DSCAM: variants seen among roughly 807,000 people sequenced by gnomAD.
The protein encoded by DSCAM is DS cell adhesion molecule, also known as cell adhesion molecule DSCAM.
Under a neutral mutation model 217.7 loss-of-function variants are expected in DSCAM, and 47 were observed. The observed-to-expected ratio is 0.22, with a 90% CI of 0.17 to 0.28. The LOEUF is 0.28. Ranked by LOEUF, DSCAM falls within the 10% of genes least tolerant of loss-of-function variation. The pLI is 1.00. For synonymous variants in DSCAM, 1,056 were observed against 1,015.3 expected, an observed-to-expected ratio of 1.04 and a Z score of -0.76; for missense variants, 2,080 against 2,618.3, an observed-to-expected ratio of 0.79 and a Z score of 4.49.
At chr21:40,792,099 C>A (rs2091650092) in intron 1 of DSCAM, among the ~76,000 whole-genome samples, 2 of 150,056 alleles carry the variant, frequency 1.3e-5, no homozygotes, top group Non-Finnish European at 3.0e-5. Context: ...ATGGCCATCC[C>A]TCTTTGTGTC....
intron 3 of DSCAM, among the ~76,000 whole-genome samples, chr21:40,417,111 G>C (rs2075379464): frequency 1.3e-5 from 2 of 152,078 alleles, no homozygotes; most frequent in South Asian, 2.1e-4. Flanking sequence ...CAACTGAATA[G>C]GAAATTTCCT....
rs568051871 is a variant in DSCAM at position 40,276,330 on chromosome 21, C to T, written c.2183-60G>A. 4.8e-5 allele frequency: 71 copies of T among 1,485,598 alleles called. No individual in the cohort carries two copies. The African/African-American group carries it at 7.4e-4, about 15-fold the overall frequency. The allele number at this position is 1,485,598 out of a possible 1,614,324, so 92.0% of individuals were successfully genotyped here. The stretch of plus-strand genomic sequence containing the variant: ...AACGAGAGTAAGTATGGGAAGACAA[C>T]GAGTTCAAGTACACACAGACTCATA... On this transcript the variant is annotated intron_variant, in intron 10 of 32. Transcript: ENST00000400454.
At chr21:40,439,842 G>A (rs1036814187) in intron 3 of DSCAM, among the ~76,000 whole-genome samples, 12 of 152,030 alleles carry the variant, frequency 7.9e-5, no homozygotes, top group Admixed American at 2.0e-4. Context: ...ACAAGATCAC[G>A]AGAACAGCAT....
intron 11 of DSCAM, among the ~76,000 whole-genome samples, chr21:40,275,518 A>G (rs985432406): frequency 6.6e-6 from 1 of 152,232 alleles, no homozygotes; most frequent in African/African-American, 2.4e-5. Flanking sequence ...GCCAGTTACC[A>G]ATGTATGAGA....
rs558306500 is a variant in DSCAM at position 40,770,245 on chromosome 21, A to T, written c.44-61474T>A. 7.2e-5 allele frequency among the ~76,000 whole-genome samples: 11 copies of T among 152,340 alleles called. No homozygotes were observed. The South Asian group carries it at 2.3e-3, about 32-fold the overall frequency. ...CATTTCTTAAAAGACTGGTCTCCTT[A>T]AATTCTTTTAGTTTCTCTTCATTTT... On this transcript the variant is annotated intron_variant, in intron 1 of 32. Transcript: ENST00000400454.
chr21:40,679,444 A>C (rs1170311573), intron 3 of DSCAM, among the ~76,000 whole-genome samples: 1 of 152,246 alleles, frequency 6.6e-6, no homozygotes. Context: ...TGGGTCACTT[A>C]CTGAAGCTCT....
At chr21:40,176,352 T>C (rs529726810) in intron 15 of DSCAM, among the ~76,000 whole-genome samples, 1 of 152,006 alleles carries the variant, frequency 6.6e-6, no homozygotes, top group African/African-American at 2.4e-5. Context: ...GCCCAAGACT[T>C]GGGTACTAGA....
Position 40,353,677 on chromosome 21 carries a change from C to G in DSCAM, c.722G>C (p.Arg241Pro), listed in dbSNP as rs745604804. Residue 241 changes from arginine to proline, a missense_variant, in exon 5 of 33, where the codon CGT becomes CCT. Around this residue, in one of 5 missense-constraint regions of DSCAM, gnomAD observed 568 missense variants for 678.1 expected, o/e 0.84. Transcript: ENST00000400454. ...FDHRKAMAGQ[R>P]VELPCKALGH... ...GAGCGCTTTGCAAGGCAGCTCCACA[C>G]GCTGCCCAGCCATGGCTTTGCGATG... The G allele has an allele frequency of 6.2e-7, 1 of 1,608,524 alleles. No homozygotes were observed. The highest frequency in any genetic ancestry group is 2.2e-5 in the East Asian group (1 of 44,742).
At chr21:40,101,071 T>C (rs1568940409) in intron 20 of DSCAM, among the ~76,000 whole-genome samples, 2 of 152,350 alleles carry the variant, frequency 1.3e-5, no homozygotes, top group East Asian at 3.9e-4. Context: ...CCCATGTCCC[T>C]GAACCAGAAT....
Position 40,463,029 on chromosome 21 carries a change from A to G in DSCAM, c.509-93784T>C, listed in dbSNP as rs73902636. 4.4e-3 allele frequency among the ~76,000 whole-genome samples: 671 copies of G among 152,296 alleles called. 5 individuals are homozygous for G. Among genetic ancestry groups the G allele is most frequent in the African/African-American group, 0.014 (562 of 41,568 alleles). ...TTGTTGCTACTATTTCCTCTTTGACATACTTTCTGCTATAAGGAGTGCTAG... is the reference window on the plus strand; with the variant it reads ...TTGTTGCTACTATTTCCTCTTTGACGTACTTTCTGCTATAAGGAGTGCTAG... On this transcript the variant is annotated intron_variant, in intron 3 of 32. Coordinates refer to ENST00000400454, the MANE Select transcript of DSCAM (RefSeq NM_001389.5).
chr21:40,424,383 C>T lies in DSCAM; in HGVS notation c.509-55138G>A, dbSNP rs376451089. On this transcript the variant is annotated intron_variant, in intron 3 of 32. Coordinates refer to ENST00000400454, the MANE Select transcript of DSCAM (RefSeq NM_001389.5). ...GAAATATGGAGACAGACACTGACAC[C>T]CATAGAGGGAACATGAGGTAAAAAC... is the stretch of plus-strand genomic sequence containing the variant. Among the ~76,000 whole-genome samples, 7 of 152,208 alleles carry T rather than the reference C, an allele frequency of 4.6e-5. No individual in the cohort carries two copies. In the East Asian group the frequency reaches 1.2e-3, roughly 25 times the overall value.
At chr21:40,512,722 A>ACAGAGTATGGCGCATACTAC (rs1396505989) in intron 3 of DSCAM, among the ~76,000 whole-genome samples, 1 of 151,920 alleles carries the variant, frequency 6.6e-6, no homozygotes, top group African/African-American at 2.4e-5. Context: ...TATGCGCCAT[A>ACAGAGTATGGCGCATACTAC]AGAGTAACAG....
chr21:40,420,658 T>A (rs529011171), intron 3 of DSCAM, among the ~76,000 whole-genome samples: 38 of 152,320 alleles, frequency 2.5e-4, no homozygotes, highest in Non-Finnish European at 4.3e-4. Flanking sequence ...ATTAGCTGAA[T>A]GAGGTCATTA....
chr21:40,052,152 C>T, intron 29 of DSCAM, 45 bp from the exon 30 acceptor site: 1 of 1,602,546 alleles, frequency 6.2e-7, no homozygotes, highest in East Asian at 2.2e-5. Flanking sequence ...GTTTATCTCC[C>T]TTCCAACCAC....
At chr21:40,702,334 G>A (rs1210232691) in intron 2 of DSCAM, among the ~76,000 whole-genome samples, 1 of 152,104 alleles carries the variant, frequency 6.6e-6, no homozygotes, top group Non-Finnish European at 1.5e-5. Context: ...GTATAAATAC[G>A]AGCTTATTGT....
At chr21:40,394,303 G>A (rs1392853667) in intron 3 of DSCAM, among the ~76,000 whole-genome samples, 1 of 152,188 alleles carries the variant, frequency 6.6e-6, no homozygotes, top group Non-Finnish European at 1.5e-5. Context: ...AGTTGAATGA[G>A]AGGTCTGAGT....
intron 9 of DSCAM, among the ~76,000 whole-genome samples, chr21:40,300,699 AATT>A (rs1244252631): frequency 1.3e-5 from 2 of 152,200 alleles, no homozygotes; most frequent in African/African-American, 4.8e-5. Context: ...CCAGTGGGGC[AATT>A]ATGAGGCCTG....
chr21:40,637,633 A>ATATATATC (rs2089820413), intron 3 of DSCAM, among the ~76,000 whole-genome samples: 2 of 27,790 alleles, frequency 7.2e-5, no homozygotes, highest in African/African-American at 1.5e-4. Context: ...ACATATATAA[A>ATATATATC]TATATATAAA....
chr21:40,481,993 G>C (rs1368416140), intron 3 of DSCAM, among the ~76,000 whole-genome samples: 1 of 152,220 alleles, frequency 6.6e-6, no homozygotes, highest in Non-Finnish European at 1.5e-5. Flanking sequence ...CCAGTTGAGT[G>C]TGAAACCAGA....
Sources: gnomAD v4.1 joint callset for allele counts (sites outside exome capture counted in the v4.1 genomes callset) on GRCh38, gnomAD v4.1.1 for gene constraint, gnomAD v4.1.1 regional missense constraint, MANE v1.5 for transcripts, NCBI Gene and HGNC (gene_info 2026-07-23, HGNC 2026-07-21) for gene names.